The following ABAT variants were observed in gnomAD, a reference collection of about 807,000 sequenced individuals.
ABAT encodes 4-aminobutyrate aminotransferase, mitochondrial.
A neutral mutation model predicts 64.6 loss-of-function variants in ABAT; 45 were observed. The ratio of observed to expected loss-of-function variants is 0.70; its 90% CI spans 0.55 to 0.89. The LOEUF (loss-of-function observed/expected upper bound fraction) is 0.89. Among genes scored for constraint, ABAT ranks in the 40% least tolerant of loss-of-function variants. The pLI is 0.00. For synonymous variants in ABAT, 297 were observed against 250.5 expected, an observed-to-expected ratio of 1.19 and a Z score of -1.75; for missense variants, 633 against 658.4, an observed-to-expected ratio of 0.96 and a Z score of 0.42.
chr16:8,777,429 A>G (rs1164507109), intron 14 of ABAT, among the ~76,000 whole-genome samples: 1 of 152,118 alleles, frequency 6.6e-6, no homozygotes, highest in Admixed American at 6.5e-5. Flanking sequence ...TCGCATCTCA[A>G]TTCCAGGCAA....
chr16:8,696,131 C>A (rs976317063), intron 1 of ABAT, among the ~76,000 whole-genome samples: 3 of 152,214 alleles, frequency 2.0e-5, no homozygotes, highest in African/African-American at 7.2e-5. Context: ...GGACTCAAAC[C>A]CAGGTCTGAG....
At chr16:8,697,890 G>C (rs2057738818) in intron 1 of ABAT, among the ~76,000 whole-genome samples, 1 of 152,192 alleles carries the variant, frequency 6.6e-6, no homozygotes, top group Non-Finnish European at 1.5e-5. Flanking sequence ...ACCTGCGTCA[G>C]CCTCCCAAAG....
rs2060464346 is a variant in ABAT at position 8,782,517 on chromosome 16, G to A, written c.*1087G>A. The A allele has an allele frequency of 6.6e-6, 1 of 152,230 alleles. No individual in the cohort carries two copies. The highest frequency in any genetic ancestry group is 6.5e-5 in the Admixed American group (1 of 15,280). The allele number at this position is 152,230 out of a possible 1,614,324, so 9.4% of individuals were successfully genotyped here. A position where few individuals can be genotyped will look rare whatever the true frequency, so the allele number is the denominator to read the frequency against. Reference sequence around the variant, plus strand: ...CTGGAGGGAAGCACCATGAATTAAAGGTGCCAGAGCTCCATGCATGGAAAA... The same window carrying A: ...CTGGAGGGAAGCACCATGAATTAAAAGTGCCAGAGCTCCATGCATGGAAAA... On this transcript the variant is annotated 3_prime_UTR_variant, in exon 16 of 16. Transcript: ENST00000268251.
At chr16:8,723,482 G>A (rs2142205770) in intron 1 of ABAT, among the ~76,000 whole-genome samples, 1 of 152,278 alleles carries the variant, frequency 6.6e-6, no homozygotes, top group South Asian at 2.1e-4. Flanking sequence ...GGGAAAGTCT[G>A]CCTATCTGTG....
intron 1 of ABAT, among the ~76,000 whole-genome samples, chr16:8,700,883 G>A (rs1157089573): frequency 2.0e-5 from 3 of 151,716 alleles, no homozygotes; most frequent in Non-Finnish European, 2.9e-5. Flanking sequence ...TGGCATTACA[G>A]GCATGAGCCG....
chr16:8,771,484 T>TTTTTTTTA (rs2060107951), intron 11 of ABAT, among the ~76,000 whole-genome samples: 1 of 127,466 alleles, frequency 7.8e-6, no homozygotes, highest in African/African-American at 2.8e-5. Flanking sequence ...TTTTTTTTTT[T>TTTTTTTTA]GAGACAGAGT....
chr16:8,745,461 T>G (rs111609047), intron 2 of ABAT, among the ~76,000 whole-genome samples: 5,397 of 150,512 alleles, frequency 0.036, 315 homozygotes, highest in African/African-American at 0.12. Context: ...CTTTGGGAGG[T>G]CAAGGCAGGT....
At chr16:8,727,408 T>G (rs1195292156) in intron 1 of ABAT, among the ~76,000 whole-genome samples, 2 of 152,204 alleles carry the variant, frequency 1.3e-5, no homozygotes, top group Non-Finnish European at 2.9e-5. Context: ...TCCGAGCACT[T>G]GCCTTATCCC....
chr16:8,721,341 A>T (rs887138185), intron 1 of ABAT, among the ~76,000 whole-genome samples: 2 of 152,062 alleles, frequency 1.3e-5, no homozygotes, highest in Non-Finnish European at 2.9e-5. Flanking sequence ...CTGTGGTCAT[A>T]TGCAGGGCCC....
chr16:8,769,888 T>G (rs749834942), intron 11 of ABAT, among the ~76,000 whole-genome samples: 21 of 152,156 alleles, frequency 1.4e-4, no homozygotes, highest in Non-Finnish European at 2.5e-4. Flanking sequence ...GCTGCTGGTT[T>G]TTTTCTTAGG....
At chr16:8,698,734 C>T (rs923537125) in intron 1 of ABAT, among the ~76,000 whole-genome samples, 4 of 152,100 alleles carry the variant, frequency 2.6e-5, no homozygotes, top group African/African-American at 7.2e-5. Context: ...CACGTGAGGT[C>T]AGGAGTTCAA....
chr16:8,748,643 C>G (rs1670590914), intron 4 of ABAT, among the ~76,000 whole-genome samples: 1 of 149,518 alleles, frequency 6.7e-6, no homozygotes, highest in African/African-American at 2.5e-5. Flanking sequence ...TTGACATCTC[C>G]AACTATTATT....
chr16:8,781,776 A>C lies in ABAT; in HGVS notation c.*346A>C, dbSNP rs994900615. On this transcript the variant is annotated 3_prime_UTR_variant, in exon 16 of 16. Transcript: ENST00000268251. The surrounding 1 kb of genome is among the most constrained non-coding windows in gnomAD (Gnocchi z 4.5). ...TCCAAAAGCCAGTCAAGGGCATTAC[A>C]TTTGTTCCTGGGACTGGCAGCTGGG... 30 of 385,700 alleles carry C rather than the reference A, an allele frequency of 7.8e-5. No homozygotes were observed. Among genetic ancestry groups the C allele is most frequent in the Admixed American group, 1.9e-4 (5 of 26,996 alleles). The allele number at this position is 385,700 out of a possible 1,614,324, so 23.9% of individuals were successfully genotyped here. A position where few individuals can be genotyped will look rare whatever the true frequency, so the allele number is the denominator to read the frequency against.
At chr16:8,723,589 G>T (rs1238250450) in intron 1 of ABAT, among the ~76,000 whole-genome samples, 2 of 152,040 alleles carry the variant, frequency 1.3e-5, no homozygotes, top group Non-Finnish European at 2.9e-5. Flanking sequence ...GTATAAGACA[G>T]GAGCAAGTCA....
chr16:8,715,554 A>C (rs2142120968), intron 1 of ABAT: 1 of 148,024 alleles, frequency 6.8e-6, no homozygotes, highest in South Asian at 2.2e-4. Flanking sequence ...TGAGCCCAAG[A>C]GTTCGAGGCT....
At position 8,776,534 on chromosome 16, in the gene ABAT, C is replaced by G; in HGVS notation, c.1269+44C>G. On this transcript the variant is annotated intron_variant, in intron 14 of 15. Coordinates refer to ENST00000268251, the MANE Select transcript of ABAT (RefSeq NM_020686.6). The surrounding 1 kb of genome is among the most constrained non-coding windows in gnomAD (Gnocchi z 4.4). ...CCCCGCCCCCACCACCCATGGCTCC[C>G]CGCAGCAGCCTCCGGGGCAACACTG... The G allele has an allele frequency of 6.5e-7, 1 of 1,544,550 alleles. No homozygotes were observed. The highest frequency in any genetic ancestry group is 8.8e-7 in the Non-Finnish European group (1 of 1,141,786).
chr16:8,761,836 C>G lies in ABAT; in HGVS notation c.367-2233C>G, dbSNP rs560199963. 7.2e-5 allele frequency among the ~76,000 whole-genome samples: 11 copies of G among 152,316 alleles called. No homozygotes were observed. In the South Asian group the frequency reaches 2.3e-3, roughly 32 times the overall value. On this transcript the variant is annotated intron_variant, in intron 6 of 15. Transcript: ENST00000268251. Reference sequence around the variant, plus strand: ...AAGTCCCAAGAAGGGGTTTATCAACCTTTTTGCACCCAAACCAAACCACCC... The same window carrying G: ...AAGTCCCAAGAAGGGGTTTATCAACGTTTTTGCACCCAAACCAAACCACCC...
intron 1 of ABAT, among the ~76,000 whole-genome samples, chr16:8,732,750 C>T (rs1318707757): frequency 1.3e-5 from 2 of 150,374 alleles, no homozygotes; most frequent in African/African-American, 5.0e-5. Flanking sequence ...ACCTCCCAGA[C>T]GGGGTGGTGG....
chr16:8,679,902 C>G (rs1057230902), intron 1 of ABAT, among the ~76,000 whole-genome samples: 3 of 152,074 alleles, frequency 2.0e-5, no homozygotes, highest in African/African-American at 7.2e-5. Context: ...GGGGTCTAAC[C>G]ATCCTTGCTT....
Sources: allele counts gnomAD v4.1 joint callset (sites outside exome capture counted in the v4.1 genomes callset), GRCh38; gene constraint gnomAD v4.1.1; non-coding constraint Gnocchi (gnomAD v3.1); transcripts MANE v1.5; gene names NCBI Gene and HGNC (gene_info 2026-07-23, HGNC 2026-07-21).